The following SPATA17 variants were observed in gnomAD, a reference collection of about 807,000 sequenced individuals.
SPATA17 encodes the protein spermatogenesis associated 17, also known as spermatogenesis-associated protein 17.
SPATA17 carries 53 observed loss-of-function variants against 62.2 expected under a neutral mutation model. The ratio of observed to expected loss-of-function variants is 0.85; its 90% CI spans 0.68 to 1.07. The LOEUF (loss-of-function observed/expected upper bound fraction) is 1.07. SPATA17 is among the 50% of genes least tolerant of loss of function. The probability of loss-of-function intolerance (pLI) is 0.00; values close to 1 mark genes in which losing one functional copy is unlikely to be tolerated. For missense variants in SPATA17, 466 were observed against 425.5 expected, an observed-to-expected ratio of 1.10 and a Z score of -0.84; for synonymous variants, 146 against 146.8, an observed-to-expected ratio of 0.99 and a Z score of 0.04.
intron 5 of SPATA17, among the ~76,000 whole-genome samples, chr1:217,704,437 A>T (rs1444441886): frequency 6.7e-6 from 1 of 148,872 alleles, no homozygotes; most frequent in Non-Finnish European, 1.5e-5. Context: ...TTTTTAGTAG[A>T]GACGGGGTTT....
At position 217,870,668 on chromosome 1, in the gene SPATA17, G is replaced by A. The variant is rs995598381; in HGVS notation, c.*3649G>A. ...CCAAACTTGATTCTGAATGACTACT[G>A]ACCACTAAAAACACTAAGAGTACCA... On this transcript the variant is annotated 3_prime_UTR_variant, in exon 11 of 11. Coordinates refer to ENST00000366933, the MANE Select transcript of SPATA17 (RefSeq NM_138796.4). 6.6e-6 allele frequency: 1 copy of A among 152,078 alleles called. No individual in the cohort carries two copies. Among genetic ancestry groups the A allele is most frequent in the Non-Finnish European group, 1.5e-5 (1 of 68,018 alleles). The allele number at this position is 152,078 out of a possible 1,614,324, so 9.4% of individuals were successfully genotyped here. A position where few individuals can be genotyped will look rare whatever the true frequency, so the allele number is the denominator to read the frequency against.
At chr1:217,687,130 A>G (rs1356272767) in intron 5 of SPATA17, among the ~76,000 whole-genome samples, 3 of 152,180 alleles carry the variant, frequency 2.0e-5, no homozygotes, top group Non-Finnish European at 2.9e-5. Flanking sequence ...GGAGTTTCTT[A>G]CAGTTCTTGA....
At chr1:217,668,772 A>T (rs902180401) in intron 3 of SPATA17, among the ~76,000 whole-genome samples, 4 of 152,190 alleles carry the variant, frequency 2.6e-5, no homozygotes, top group African/African-American at 9.6e-5. Flanking sequence ...AGCACCATTG[A>T]TTATCAAACT....
chr1:217,662,409 A>G (rs116259905), intron 3 of SPATA17, among the ~76,000 whole-genome samples: 1,774 of 152,242 alleles, frequency 0.012, 32 homozygotes, highest in African/African-American at 0.04. Context: ...TTTTTGTTGA[A>G]ATGTATTAAT....
chr1:217,631,387 G>T lies in SPATA17; in HGVS notation c.9G>T (p.Thr3=). The part of the protein sequence containing the change: MA[T]LARLQARSST... ...CCCAAGGCCAAGAGACCATGGCCAC[G>T]TTAGCCCGGCTGCAAGCTAGGTCGT... The change falls in exon 1 of 11, where the codon ACG becomes ACT. Residue 3 remains threonine, a synonymous_variant. Coordinates refer to ENST00000366933, the MANE Select transcript of SPATA17 (RefSeq NM_138796.4). The T allele has an allele frequency of 6.2e-7, 1 of 1,614,138 alleles. No homozygotes were observed. Among genetic ancestry groups the T allele is most frequent in the Non-Finnish European group, 8.5e-7 (1 of 1,180,026 alleles).
At chr1:217,859,008 A>G (rs1675839689) in intron 9 of SPATA17, among the ~76,000 whole-genome samples, 1 of 151,824 alleles carries the variant, frequency 6.6e-6, no homozygotes, top group East Asian at 1.9e-4. Context: ...AGCCTGGGTG[A>G]CAAAGCGAGA....
At chr1:217,753,246 C>A (rs1293541187) in intron 6 of SPATA17, among the ~76,000 whole-genome samples, 1 of 152,220 alleles carries the variant, frequency 6.6e-6, no homozygotes, top group Non-Finnish European at 1.5e-5. Context: ...TTCACTGTTA[C>A]TTCACCTCTG....
At chr1:217,738,366 C>T (rs1672558892) in intron 5 of SPATA17, among the ~76,000 whole-genome samples, 1 of 152,246 alleles carries the variant, frequency 6.6e-6, no homozygotes, top group South Asian at 2.1e-4. Context: ...GAGGAGACCA[C>T]CAAGGGAATT....
intron 1 of SPATA17, among the ~76,000 whole-genome samples, chr1:217,648,486 A>T (rs1670238288): frequency 6.6e-6 from 1 of 152,228 alleles, no homozygotes; most frequent in Admixed American, 6.5e-5. Context: ...TGAGTGAAAT[A>T]TGTGAGCATT....
intron 7 of SPATA17, among the ~76,000 whole-genome samples, chr1:217,774,917 G>A (rs894967999): frequency 6.6e-6 from 1 of 152,176 alleles, no homozygotes; most frequent in African/African-American, 2.4e-5. Context: ...CATTTGAGTT[G>A]CGACCACACT....
At chr1:217,838,337 G>A (rs1261895750) in intron 9 of SPATA17, among the ~76,000 whole-genome samples, 4 of 151,772 alleles carry the variant, frequency 2.6e-5, no homozygotes, top group South Asian at 4.2e-4. Context: ...ATGTTTTTTC[G>A]CTTTAAGACT....
At chr1:217,640,901 CATA>C (rs1670046939) in intron 1 of SPATA17, among the ~76,000 whole-genome samples, 1 of 151,940 alleles carries the variant, frequency 6.6e-6, no homozygotes, top group Non-Finnish European at 1.5e-5. Flanking sequence ...TGGAATTACA[CATA>C]ATAAGTGGTT....
At chr1:217,861,561 T>C (rs1183519200) in intron 9 of SPATA17, among the ~76,000 whole-genome samples, 2 of 152,104 alleles carry the variant, frequency 1.3e-5, no homozygotes, top group Non-Finnish European at 2.9e-5. Flanking sequence ...AGATGTCACT[T>C]GCATTGTTGC....
intron 1 of SPATA17, among the ~76,000 whole-genome samples, chr1:217,644,970 T>C (rs954507254): frequency 2.6e-5 from 4 of 152,094 alleles, no homozygotes; most frequent in African/African-American, 9.7e-5. Flanking sequence ...ACATTTTTCA[T>C]TTTAAACATA....
At chr1:217,819,970 T>C (rs80328415) in intron 9 of SPATA17, among the ~76,000 whole-genome samples, 11,628 of 152,102 alleles carry the variant, frequency 0.076, 681 homozygotes, top group Non-Finnish European at 0.12. Context: ...ATCACTGTTT[T>C]AAATACCCCA....
At chr1:217,749,451 T>C (rs776462555) in intron 6 of SPATA17, among the ~76,000 whole-genome samples, 2 of 152,118 alleles carry the variant, frequency 1.3e-5, no homozygotes, top group African/African-American at 2.4e-5. Flanking sequence ...GGGCTTTTTT[T>C]TCTGTGTGTG....
At chr1:217,832,680 T>C (rs1475625948) in intron 9 of SPATA17, among the ~76,000 whole-genome samples, 2 of 152,138 alleles carry the variant, frequency 1.3e-5, no homozygotes, top group African/African-American at 4.8e-5. Flanking sequence ...CAGTTGCTCA[T>C]GTCTGTAATC....
chr1:217,813,300 G>A (rs551869052), intron 9 of SPATA17, among the ~76,000 whole-genome samples: 2 of 152,286 alleles, frequency 1.3e-5, no homozygotes, highest in South Asian at 2.1e-4. Flanking sequence ...TCAGCTTAAC[G>A]ACCGTGATTA....
intron 1 of SPATA17, among the ~76,000 whole-genome samples, chr1:217,635,871 A>G (rs1669925024): frequency 6.6e-6 from 1 of 152,058 alleles, no homozygotes; most frequent in South Asian, 2.1e-4. Flanking sequence ...GCAGTGGCTC[A>G]GGCTTGTAAT....
Sources: allele counts gnomAD v4.1 joint callset (sites outside exome capture counted in the v4.1 genomes callset), GRCh38; gene constraint gnomAD v4.1.1; transcripts MANE v1.5; gene names NCBI Gene and HGNC (gene_info 2026-07-23, HGNC 2026-07-21).